Variants in ADGRL1 observed in about 807,000 individuals in gnomAD.
ADGRL1 encodes adhesion G protein-coupled receptor L1.
Under a neutral mutation model 148.9 loss-of-function variants are expected in ADGRL1, and 31 were observed. The observed-to-expected ratio is 0.21, with a 90% CI of 0.16 to 0.28. The LOEUF (loss-of-function observed/expected upper bound fraction) is 0.28, where lower values mean the gene tolerates loss of function less well. ADGRL1 is among the 10% of genes least tolerant of loss of function. ADGRL1 has a pLI of 1.00. For synonymous variants in ADGRL1, 937 were observed against 900.3 expected, an observed-to-expected ratio of 1.04 and a Z score of -0.73; for missense variants, 1,521 against 2,058.8, an observed-to-expected ratio of 0.74 and a Z score of 5.05.
chr19:14,173,588 C>T (rs937250932), intron 3 of ADGRL1, among the ~76,000 whole-genome samples: 2 of 152,112 alleles, frequency 1.3e-5, no homozygotes, highest in Non-Finnish European at 2.9e-5. Flanking sequence ...GTTGTACACG[C>T]ACGTTCACAG....
chr19:14,157,603 T>C lies in ADGRL1; in HGVS notation c.2536-143A>G. The C allele has an allele frequency of 1.2e-6, 1 of 829,964 alleles. No individual in the cohort carries two copies. The highest frequency in any genetic ancestry group is 1.7e-5 in the South Asian group (1 of 59,634). The allele number at this position is 829,964 out of a possible 1,614,324, so 51.4% of individuals were successfully genotyped here. A position where few individuals can be genotyped will look rare whatever the true frequency, so the allele number is the denominator to read the frequency against. Reference sequence around the variant, plus strand: ...CCGCCAACCTGGCAGCCCTCACCCCTCTGCACGCAGCAATGCGCTCACTTC... The same window carrying C: ...CCGCCAACCTGGCAGCCCTCACCCCCCTGCACGCAGCAATGCGCTCACTTC... On this transcript the variant is annotated intron_variant, in intron 13 of 22. Coordinates refer to ENST00000361434, the MANE Select transcript of ADGRL1 (RefSeq NM_014921.5). This position sits in a 1 kb window ranked among gnomAD's most constrained non-coding sequence, Gnocchi z 7.5.
At chr19:14,201,684 G>C (rs1972623981) in intron 1 of ADGRL1, among the ~76,000 whole-genome samples, 1 of 152,064 alleles carries the variant, frequency 6.6e-6, no homozygotes, top group Non-Finnish European at 1.5e-5. Flanking sequence ...CCAACATTCT[G>C]GGTTTACAGG....
In ADGRL1 at chr19:14,155,774, C is replaced by A; in HGVS notation, c.3126-247G>T. 1 of 577,836 alleles carries A rather than the reference C, an allele frequency of 1.7e-6. No homozygotes were observed. Among genetic ancestry groups the A allele is most frequent in the Non-Finnish European group, 3.1e-6 (1 of 324,774 alleles). 35.8% of individuals were successfully genotyped at this position (577,836 alleles called of 1,614,324 possible). A position where few individuals can be genotyped will look rare whatever the true frequency, so the allele number is the denominator to read the frequency against. ...TGAACATCAGTTATTCCTCTGCCAA[C>A]TTCATTGTTTCTGCTAAATTTCCAG... On this transcript the variant is annotated intron_variant, in intron 17 of 22. Transcript: ENST00000361434. This position sits in a 1 kb window ranked among gnomAD's most constrained non-coding sequence, Gnocchi z 5.0.
chr19:14,163,472 GA>G, intron 4 of ADGRL1, 66 bp from the exon 5 acceptor site: 10 of 859,114 alleles, frequency 1.2e-5, no homozygotes, highest in African/African-American at 1.9e-5. Context: ...GGAGGAGAGA[GA>G]GAGAGAGAGA....
chr19:14,168,345 C>A (rs1176757245), intron 4 of ADGRL1, among the ~76,000 whole-genome samples: 18 of 152,178 alleles, frequency 1.2e-4, no homozygotes, highest in Admixed American at 1.2e-3. Flanking sequence ...ACCTCCTGTC[C>A]CCGCTTTAAC....
intron 1 of ADGRL1, among the ~76,000 whole-genome samples, chr19:14,192,785 A>T (rs752389780): frequency 1.3e-5 from 2 of 152,086 alleles, no homozygotes; most frequent in Non-Finnish European, 2.9e-5. Context: ...TCCCAACCTC[A>T]GATGATCCAC....
chr19:14,175,322 C>T (rs951966940), intron 3 of ADGRL1, among the ~76,000 whole-genome samples: 6 of 152,090 alleles, frequency 3.9e-5, no homozygotes, highest in East Asian at 1.9e-4. Flanking sequence ...CACAAACCCT[C>T]ATCCACATAC....
intron 4 of ADGRL1, chr19:14,166,896 G>A (rs530521655): frequency 1.7e-4 from 186 of 1,071,304 alleles, no homozygotes; most frequent in Non-Finnish European, 2.4e-4. Flanking sequence ...GGGGGATACC[G>A]ACCGGACCAA....
intron 1 of ADGRL1, among the ~76,000 whole-genome samples, chr19:14,184,636 TTATTTATTTA>T (rs1260114929): frequency 1.5e-5 from 2 of 135,152 alleles, no homozygotes; most frequent in Non-Finnish European, 3.1e-5. Flanking sequence ...ATTTATTTAT[TTATTTATTTA>T]TTTTTTTTTC....
intron 1 of ADGRL1, among the ~76,000 whole-genome samples, chr19:14,194,466 G>A (rs1419526799): frequency 2.0e-5 from 3 of 152,214 alleles, no homozygotes; most frequent in South Asian, 2.1e-4. Flanking sequence ...GGACAGTGAC[G>A]GACAGCTCCA....
rs1969210961 is a variant in ADGRL1, at chr19:14,160,234, T to C, written c.1678A>G (p.Ile560Val). 5 of 1,600,386 alleles carry C rather than the reference T, an allele frequency of 3.1e-6. No individual in the cohort carries two copies. The highest frequency in any genetic ancestry group is 4.3e-6 in the Non-Finnish European group (5 of 1,168,834). The change falls in exon 8 of 23, where the codon ATC (isoleucine) becomes GTC (valine). Residue 560 changes from isoleucine to valine, a missense_variant. Ile to Val is a conservative substitution (Grantham distance 29). Around this residue, in one of 8 missense-constraint regions of ADGRL1, gnomAD observed 270 missense variants for 320.4 expected, o/e 0.84. Coordinates refer to ENST00000361434, the MANE Select transcript of ADGRL1 (RefSeq NM_014921.5). The surrounding 1 kb of genome is among the most constrained non-coding windows in gnomAD (Gnocchi z 5.9). ...GAGGAGGAGACGTCCCCCGCGTAGA[T>C]GGAGCCCCGGGTGTGTCGGGCCAGC... ...SELARHTRGS[I>V]YAGDVSSSVK...
chr19:14,158,569 C>G lies in ADGRL1; in HGVS notation c.2150-17G>C, dbSNP rs756844613. The G allele has an allele frequency of 3.4e-5, 54 of 1,599,696 alleles. No homozygotes were observed. The highest frequency in any genetic ancestry group is 3.8e-5 in the Non-Finnish European group (44 of 1,167,630). On this transcript the variant is annotated splice_polypyrimidine_tract_variant and intron_variant, in intron 11 of 22. Transcript: ENST00000361434. ...TGACCACCCCTGGTGAGAACAGGCA[C>G]GTTTGGATGTGTCAGCATCCTCAGC... is the stretch of plus-strand genomic sequence containing the variant.
chr19:14,197,927 G>A (rs1221306291), intron 1 of ADGRL1, among the ~76,000 whole-genome samples: 2 of 152,310 alleles, frequency 1.3e-5, no homozygotes, highest in South Asian at 2.1e-4. Flanking sequence ...TGCAATGGAG[G>A]AAGGTGTGCT....
chr19:14,195,427 C>A (rs1972196484), intron 1 of ADGRL1, among the ~76,000 whole-genome samples: 1 of 143,036 alleles, frequency 7.0e-6, no homozygotes, highest in South Asian at 2.2e-4. Context: ...GCCATGGCAA[C>A]CCTCTGCGTG....
Position 14,157,548 on chromosome 19 carries a change from C to A in ADGRL1, c.2536-88G>T. On this transcript the variant is annotated intron_variant, in intron 13 of 22. Transcript: ENST00000361434. The surrounding 1 kb of genome is among the most constrained non-coding windows in gnomAD (Gnocchi z 7.5). ...TGCCAGCCACAGACAGGGCCCTGGG[C>A]AAGGCCATGGGCCGTGAGGACCTCT... The A allele has an allele frequency of 2.2e-6, 3 of 1,380,166 alleles. No homozygotes were observed. The highest frequency in any genetic ancestry group is 3.1e-6 in the Non-Finnish European group (3 of 982,082). 85.5% of individuals were successfully genotyped at this position (1,380,166 alleles called of 1,614,324 possible).
intron 1 of ADGRL1, 125 bp from the exon 2 acceptor site, chr19:14,183,822 G>A (rs760325172): frequency 1.8e-6 from 1 of 551,496 alleles, no homozygotes; most frequent in Non-Finnish European, 3.2e-6. Context: ...AGCCCTATCT[G>A]TAGGGCCCCC....
At chr19:14,187,114 G>A (rs1459572996) in intron 1 of ADGRL1, among the ~76,000 whole-genome samples, 1 of 152,186 alleles carries the variant, frequency 6.6e-6, no homozygotes, top group African/African-American at 2.4e-5. Flanking sequence ...GAGGCGGGTG[G>A]ATCACCAGAG....
chr19:14,200,224 C>T (rs1278254821), intron 1 of ADGRL1, among the ~76,000 whole-genome samples: 5 of 152,312 alleles, frequency 3.3e-5, no homozygotes, highest in South Asian at 2.1e-4. Context: ...GTTTGAATAA[C>T]GGTGGCAGCT....
Position 14,158,551 on chromosome 19 carries a change from C to A in ADGRL1, c.2151G>T (p.Gly717=). The A allele has an allele frequency of 5.6e-6, 9 of 1,613,340 alleles. No homozygotes were observed. The highest frequency in any genetic ancestry group is 7.6e-6 in the Non-Finnish European group (9 of 1,179,546). The change falls in exon 12 of 23, where the codon GGG becomes GGT. Residue 717 remains glycine (G), a splice_region_variant and synonymous_variant. Transcript: ENST00000361434. ...AGAGGATGAAGACAACTTTGACCAC[C>A]CCTGGTGAGAACAGGCACGTTTGGA... ...AKTIKQNSRN[G]VVKVVFILYN...
Sources: gnomAD v4.1 joint callset for allele counts (sites outside exome capture counted in the v4.1 genomes callset) on GRCh38, gnomAD v4.1.1 for gene constraint, gnomAD v4.1.1 regional missense constraint, Gnocchi (gnomAD v3.1) non-coding constraint, MANE v1.5 for transcripts, NCBI Gene and HGNC (gene_info 2026-07-23, HGNC 2026-07-21) for gene names.